The following ADAMTS12 variants were observed in gnomAD, a reference collection of about 807,000 sequenced individuals.
ADAMTS12 encodes ADAM metallopeptidase with thrombospondin type 1 motif 12.
In ADAMTS12, 118 loss-of-function variants were observed where a neutral mutation model predicts 167.8. The observed-to-expected ratio is 0.70, with a 90% CI of 0.61 to 0.82. ADAMTS12 has a LOEUF of 0.82. Ranked by LOEUF, ADAMTS12 falls within the 40% of genes least tolerant of loss-of-function variation. ADAMTS12 has a pLI of 0.00. For missense variants in ADAMTS12, 1,916 were observed against 1,998.8 expected (o/e 0.96, Z 0.79); for synonymous variants, 704 against 716.9 (o/e 0.98, Z 0.29).
chr5:33,776,320 C>T (rs1277922496), intron 2 of ADAMTS12, among the ~76,000 whole-genome samples: 2 of 152,100 alleles, frequency 1.3e-5, no homozygotes, highest in Non-Finnish European at 2.9e-5. Context: ...CATGTTAGTA[C>T]ACAAAACAAG....
At chr5:33,809,005 CT>C (rs1747342465) in intron 2 of ADAMTS12, among the ~76,000 whole-genome samples, 1 of 152,120 alleles carries the variant, frequency 6.6e-6, no homozygotes, top group Non-Finnish European at 1.5e-5. Context: ...TTATCCATTT[CT>C]TTGCTTTCCA....
chr5:33,545,928 T>C, intron 22 of ADAMTS12, 131 bp downstream of exon 22: 2 of 1,091,188 alleles, frequency 1.8e-6, no homozygotes, highest in Non-Finnish European at 2.6e-6. Context: ...AGTTGATGGG[T>C]GCAGCAAACC....
Position 33,891,769 on chromosome 5 carries a change from GCTGT to G in ADAMTS12, c.84_87del (p.Arg28SerfsTer32). On this transcript the variant is annotated frameshift_variant, in exon 1 of 24. Coordinates refer to ENST00000504830, the MANE Select transcript of ADAMTS12 (RefSeq NM_030955.4). LOFTEE classifies it high-confidence loss of function. ...GGGAAGCGAACCGGGCCTGGCTGAG[GCTGT>G]CTCCCATAGCAAAGCGCCCCAAAGT... The G allele has an allele frequency of 1.2e-6, 2 of 1,614,232 alleles. No homozygotes were observed. The highest frequency in any genetic ancestry group is 1.7e-6 in the Non-Finnish European group (2 of 1,180,034).
At chr5:33,753,612 A>T (rs1333919595) in intron 2 of ADAMTS12, among the ~76,000 whole-genome samples, 2 of 152,160 alleles carry the variant, frequency 1.3e-5, no homozygotes, top group Non-Finnish European at 2.9e-5. Context: ...ACTACAAAAG[A>T]CACCACCAAG....
At chr5:33,564,100 C>T (rs576597697) in intron 19 of ADAMTS12, among the ~76,000 whole-genome samples, 14 of 152,216 alleles carry the variant, frequency 9.2e-5, no homozygotes, top group Non-Finnish European at 2.1e-4. Context: ...GACAGCCTCC[C>T]ACAGGCCAGA....
chr5:33,868,838 A>C (rs1375899172), intron 2 of ADAMTS12, among the ~76,000 whole-genome samples: 1 of 152,218 alleles, frequency 6.6e-6, no homozygotes, highest in Non-Finnish European at 1.5e-5. Flanking sequence ...GTGTAGCCCA[A>C]GACGATTCTT....
In ADAMTS12 at chr5:33,744,309, G is replaced by A. The variant is rs115027649; in HGVS notation, c.634+7095C>T. The stretch of plus-strand genomic sequence containing the variant: ...TCAGAAAAGCATTTGGGGAGAACAC[G>A]TTTCAGGGAGAAGGAGTCTAAGGGC... On this transcript the variant is annotated intron_variant, in intron 3 of 23. Transcript: ENST00000504830. 8.8e-3 allele frequency among the ~76,000 whole-genome samples: 1,341 copies of A among 152,296 alleles called. 18 individuals are homozygous for A. The highest frequency in any genetic ancestry group is 0.031 in the African/African-American group (1,295 of 41,562).
chr5:33,742,080 T>C (rs1236410118), intron 3 of ADAMTS12, among the ~76,000 whole-genome samples: 1 of 152,310 alleles, frequency 6.6e-6, no homozygotes, highest in African/African-American at 2.4e-5. Context: ...AGGGTCTAAT[T>C]TGACAGGTTC....
At chr5:33,599,311 T>C (rs1364636799) in intron 16 of ADAMTS12, among the ~76,000 whole-genome samples, 1 of 152,254 alleles carries the variant, frequency 6.6e-6, no homozygotes, top group Non-Finnish European at 1.5e-5. Context: ...TTTCCTCCAG[T>C]CAAGACCCAG....
intron 5 of ADAMTS12, among the ~76,000 whole-genome samples, chr5:33,668,118 T>C (rs1741536918): frequency 6.6e-6 from 1 of 152,038 alleles, no homozygotes; most frequent in Non-Finnish European, 1.5e-5. Context: ...ATATCATAAG[T>C]CGAAAATGCA....
intron 8 of ADAMTS12, 40 bp from the exon 9 acceptor site, chr5:33,649,006 A>T: frequency 6.2e-7 from 1 of 1,607,596 alleles, no homozygotes; most frequent in Non-Finnish European, 8.5e-7. Flanking sequence ...GTTGTTTAGG[A>T]TTCCCTTTAC....
chr5:33,638,664 C>T (rs963491159), intron 11 of ADAMTS12, among the ~76,000 whole-genome samples: 6 of 152,146 alleles, frequency 3.9e-5, no homozygotes, highest in Non-Finnish European at 5.9e-5. Context: ...GCTGCCTGCA[C>T]GTCCTGAATC....
chr5:33,796,779 G>T (rs534380397), intron 2 of ADAMTS12, among the ~76,000 whole-genome samples: 4 of 152,170 alleles, frequency 2.6e-5, no homozygotes, highest in Admixed American at 6.5e-5. Context: ...AGCAGGAAAA[G>T]AAATGGTGCA....
At chr5:33,768,444 CTTA>C (rs1745624964) in intron 2 of ADAMTS12, among the ~76,000 whole-genome samples, 1 of 152,008 alleles carries the variant, frequency 6.6e-6, no homozygotes, top group Non-Finnish European at 1.5e-5. Context: ...AAGGAAAATT[CTTA>C]TTATTTTATA....
intron 6 of ADAMTS12, among the ~76,000 whole-genome samples, chr5:33,659,535 G>A (rs1741181238): frequency 6.6e-6 from 1 of 152,158 alleles, no homozygotes; most frequent in African/African-American, 2.4e-5. Flanking sequence ...TGATATGGCA[G>A]GAGGTCAGGC....
rs977996835 is a variant in ADAMTS12, at chr5:33,781,962, A to G, written c.490-30414T>C. 2.6e-5 allele frequency among the ~76,000 whole-genome samples: 4 copies of G among 151,620 alleles called. No individual in the cohort carries two copies. In the South Asian group the frequency reaches 8.3e-4, roughly 32 times the overall value. On this transcript the variant is annotated intron_variant, in intron 2 of 23. Coordinates refer to ENST00000504830, the MANE Select transcript of ADAMTS12 (RefSeq NM_030955.4). ...CGGTGTTTGGTTTTTTGTTCTTGCG[A>G]TAGTGTAAACTCTTATTTATCCATT...
At chr5:33,632,163 A>C (rs1176165758) in intron 12 of ADAMTS12, among the ~76,000 whole-genome samples, 1 of 152,216 alleles carries the variant, frequency 6.6e-6, no homozygotes, top group East Asian at 1.9e-4. Context: ...GTTAGATAAC[A>C]CATGTTCTCA....
At chr5:33,781,840 T>TC (rs962822302) in intron 2 of ADAMTS12, among the ~76,000 whole-genome samples, 2 of 143,324 alleles carry the variant, frequency 1.4e-5, no homozygotes, top group East Asian at 2.3e-4. Flanking sequence ...ATGCTATCCC[T>TC]CCCCCCCGAC....
intron 3 of ADAMTS12, among the ~76,000 whole-genome samples, chr5:33,716,362 G>A (rs1401034730): frequency 1.3e-5 from 2 of 152,230 alleles, no homozygotes; most frequent in East Asian, 3.9e-4. Context: ...ACCAGTCTAA[G>A]ACTGTTTTCT....
Sources: gnomAD v4.1 joint callset for allele counts (sites outside exome capture counted in the v4.1 genomes callset) on GRCh38, gnomAD v4.1.1 for gene constraint, MANE v1.5 for transcripts, NCBI Gene and HGNC (gene_info 2026-07-23, HGNC 2026-07-21) for gene names.